The following MLLT3 variants were observed in gnomAD, a reference collection of about 807,000 sequenced individuals.
MLLT3 encodes MLLT3 super elongation complex subunit.
In MLLT3, 4 loss-of-function variants were observed where a neutral mutation model predicts 53.2. The observed-to-expected ratio is 0.08, with a 90% CI of 0.04 to 0.17. The LOEUF (loss-of-function observed/expected upper bound fraction) is 0.17. Among genes scored for constraint, MLLT3 ranks in the 10% least tolerant of loss-of-function variants. The probability of loss-of-function intolerance (pLI) is 1.00; values close to 1 mark genes in which losing one functional copy is unlikely to be tolerated. For synonymous variants in MLLT3, 283 were observed against 230.6 expected (o/e 1.23, Z -2.06); for missense variants, 569 against 684.0 (o/e 0.83, Z 1.87).
chr9:20,469,234 A>G (rs1824310755), intron 2 of MLLT3, among the ~76,000 whole-genome samples: 1 of 152,118 alleles, frequency 6.6e-6, no homozygotes, highest in South Asian at 2.1e-4. Context: ...TGGCATATGA[A>G]CTCCAGTATT....
At chr9:20,426,418 C>T (rs2118804473) in intron 4 of MLLT3, among the ~76,000 whole-genome samples, 1 of 152,060 alleles carries the variant, frequency 6.6e-6, no homozygotes, top group Admixed American at 6.6e-5. Flanking sequence ...CAGAGAATAG[C>T]CAATCTTCAG....
Position 20,460,738 on chromosome 9 carries a change from T to C in MLLT3, c.194-3952A>G, listed in dbSNP as rs150205477. On this transcript the variant is annotated intron_variant, in intron 2 of 10. Transcript: ENST00000380338. Reference sequence around the variant, plus strand: ...AGACTCATGCTACCCTTCACTGATTTACCACTGCCAAAGAAGTTGTTTTTC... The same window carrying C: ...AGACTCATGCTACCCTTCACTGATTCACCACTGCCAAAGAAGTTGTTTTTC... Among the ~76,000 whole-genome samples the C allele has an allele frequency of 1.6e-3, 247 of 152,344 alleles. 1 individual carries two copies. In the East Asian group the frequency reaches 0.021, roughly 13 times the overall value.
chr9:20,564,724 G>A (rs1819304260), intron 2 of MLLT3, among the ~76,000 whole-genome samples: 1 of 152,144 alleles, frequency 6.6e-6, no homozygotes, highest in African/African-American at 2.4e-5. Context: ...TGGCATTAAA[G>A]AACTATGGAT....
intron 2 of MLLT3, among the ~76,000 whole-genome samples, chr9:20,497,573 T>A (rs1422601981): frequency 6.6e-6 from 1 of 152,190 alleles, no homozygotes; most frequent in East Asian, 1.9e-4. Context: ...GTTGGCATCT[T>A]TCACTAAATG....
chr9:20,487,289 A>C (rs1824837510), intron 2 of MLLT3, among the ~76,000 whole-genome samples: 1 of 152,172 alleles, frequency 6.6e-6, no homozygotes, highest in Non-Finnish European at 1.5e-5. Context: ...GACTCTGTTT[A>C]CCTTTAATTC....
chr9:20,550,890 T>C lies in MLLT3; in HGVS notation c.193+69764A>G, dbSNP rs191258099. Among the ~76,000 whole-genome samples, 3 of 152,248 alleles carry C rather than the reference T, an allele frequency of 2.0e-5. No individual in the cohort carries two copies. The East Asian group carries it at 5.8e-4, about 29-fold the overall frequency. Reference sequence around the variant, plus strand: ...CTCCCACCTCAGCTTCCCAAGTAGCTAGGACTACAGGCATGTGCCATCATG... The same window carrying C: ...CTCCCACCTCAGCTTCCCAAGTAGCCAGGACTACAGGCATGTGCCATCATG... On this transcript the variant is annotated intron_variant, in intron 2 of 10. Transcript: ENST00000380338.
At chr9:20,535,485 C>G (rs906508497) in intron 2 of MLLT3, among the ~76,000 whole-genome samples, 1 of 152,050 alleles carries the variant, frequency 6.6e-6, no homozygotes, top group South Asian at 2.1e-4. Flanking sequence ...AGCCAGCAAG[C>G]CTTTTTTAAA....
chr9:20,599,714 A>T (rs1394931441), intron 2 of MLLT3, among the ~76,000 whole-genome samples: 1 of 152,174 alleles, frequency 6.6e-6, no homozygotes. Flanking sequence ...GTGACTATAT[A>T]ATCTATCATC....
chr9:20,413,241 T>TA (rs1289495026), intron 5 of MLLT3, among the ~76,000 whole-genome samples: 2 of 152,202 alleles, frequency 1.3e-5, no homozygotes, highest in Non-Finnish European at 2.9e-5. Flanking sequence ...TAAAACTGGT[T>TA]AAAAAAATAC....
rs935405514 is a variant in MLLT3 at position 20,434,664 on chromosome 9, A to T, written c.420+13459T>A. On this transcript the variant is annotated intron_variant, in intron 4 of 10. Transcript: ENST00000380338. ...AAGGCTTCCTTATACAAATTAGTTG[A>T]TCTGTTAGCTAAATCAAGCCTTTTC... Among the ~76,000 whole-genome samples, 7 of 152,198 alleles carry T rather than the reference A, an allele frequency of 4.6e-5. 1 individual carries two copies. The highest frequency in any genetic ancestry group is 1.7e-4 in the African/African-American group (7 of 41,452).
chr9:20,622,456 A>G lies in MLLT3; in HGVS notation c.-200T>C. ...CTTATTAAACTCAGCCCCAAAAGCA[A>G]AAGCAGCAGCAGCAGCAGCAGCTCC... On this transcript the variant is annotated 5_prime_UTR_variant, in exon 1 of 11. Coordinates refer to ENST00000380338, the MANE Select transcript of MLLT3 (RefSeq NM_004529.4). 1 of 538,294 alleles carries G rather than the reference A, an allele frequency of 1.9e-6. No individual in the cohort carries two copies. Among genetic ancestry groups the G allele is most frequent in the Non-Finnish European group, 3.3e-6 (1 of 303,336 alleles). 33.3% of individuals were successfully genotyped at this position (538,294 alleles called of 1,614,324 possible). A position where few individuals can be genotyped will look rare whatever the true frequency, so the allele number is the denominator to read the frequency against.
In MLLT3 at chr9:20,402,728, G is replaced by A. The variant is rs1004453893; in HGVS notation, c.1125+10993C>T. ...TTGGCAATATCCCAGAGACAATAAA[G>A]GATGACCAGGACACAAAGTCTATCA... On this transcript the variant is annotated intron_variant, in intron 5 of 10. Coordinates refer to ENST00000380338, the MANE Select transcript of MLLT3 (RefSeq NM_004529.4). Among the ~76,000 whole-genome samples, 5 of 152,214 alleles carry A rather than the reference G, an allele frequency of 3.3e-5. No individual in the cohort carries two copies. In the East Asian group the frequency reaches 9.6e-4, roughly 29 times the overall value.
chr9:20,489,396 A>T (rs1287558986), intron 2 of MLLT3, among the ~76,000 whole-genome samples: 1 of 152,168 alleles, frequency 6.6e-6, no homozygotes, highest in Non-Finnish European at 1.5e-5. Flanking sequence ...CTTTCTTGGC[A>T]GGTCTCTAAT....
intron 2 of MLLT3, among the ~76,000 whole-genome samples, chr9:20,470,802 T>C (rs1824371110): frequency 6.6e-6 from 1 of 151,962 alleles, no homozygotes; most frequent in African/African-American, 2.4e-5. Flanking sequence ...TTTAATATTT[T>C]AAAATGATGC....
At chr9:20,610,883 T>C (rs915456166) in intron 2 of MLLT3, among the ~76,000 whole-genome samples, 8 of 152,094 alleles carry the variant, frequency 5.3e-5, no homozygotes, top group African/African-American at 1.9e-4. Context: ...AATCTTGAAC[T>C]GGGTCAACAT....
intron 2 of MLLT3, among the ~76,000 whole-genome samples, chr9:20,473,170 G>A (rs184340400): frequency 6.6e-5 from 10 of 152,168 alleles, no homozygotes; most frequent in South Asian, 2.1e-4. Flanking sequence ...ATATACTCAC[G>A]TAGTCAAAGC....
intron 2 of MLLT3, among the ~76,000 whole-genome samples, chr9:20,563,411 T>C (rs549837334): frequency 6.6e-6 from 1 of 152,224 alleles, no homozygotes; most frequent in East Asian, 1.9e-4. Flanking sequence ...GTGTCATATA[T>C]TTGACAAATA....
At chr9:20,606,495 T>A (rs1416270080) in intron 2 of MLLT3, among the ~76,000 whole-genome samples, 1 of 152,098 alleles carries the variant, frequency 6.6e-6, no homozygotes, top group East Asian at 1.9e-4. Flanking sequence ...TACATTATAC[T>A]CCATTTGAAC....
chr9:20,599,538 A>G (rs1433335623), intron 2 of MLLT3, among the ~76,000 whole-genome samples: 1 of 151,946 alleles, frequency 6.6e-6, no homozygotes, highest in Non-Finnish European at 1.5e-5. Context: ...AGAACTGAAT[A>G]TTGTACTAAG....
Sources: allele counts gnomAD v4.1 joint callset (sites outside exome capture counted in the v4.1 genomes callset), GRCh38; gene constraint gnomAD v4.1.1; transcripts MANE v1.5; gene names NCBI Gene and HGNC (gene_info 2026-07-23, HGNC 2026-07-21).